Variants in CARMIL1 observed in about 807,000 individuals in gnomAD.
The protein encoded by CARMIL1 is capping protein regulator and myosin 1 linker 1.
In CARMIL1, 90 loss-of-function variants were observed where a neutral mutation model predicts 177.1. The observed-to-expected ratio is 0.51, with a 90% CI of 0.43 to 0.61. The LOEUF (loss-of-function observed/expected upper bound fraction) is 0.61, where lower values mean the gene tolerates loss of function less well. Ranked by LOEUF, CARMIL1 falls within the 20% of genes least tolerant of loss-of-function variation. The pLI, the probability that CARMIL1 is intolerant of heterozygous loss-of-function variation, is 0.00. For missense variants in CARMIL1, 1,380 were observed against 1,667.0 expected (o/e 0.83, Z 3.00); for synonymous variants, 577 against 606.2 (o/e 0.95, Z 0.71).
chr6:25,371,730 G>A (rs976261590), intron 2 of CARMIL1, among the ~76,000 whole-genome samples: 3 of 152,040 alleles, frequency 2.0e-5, no homozygotes, highest in African/African-American at 7.2e-5. Context: ...TACTCTGATG[G>A]TGATTTGCTG....
At chr6:25,563,282 A>G (rs1811292206) in intron 29 of CARMIL1, 1 of 985,388 alleles carries the variant, frequency 1.0e-6, no homozygotes, top group Non-Finnish European at 1.2e-6. Flanking sequence ...CCAAATTATC[A>G]CTGCTTTCCA....
intron 24 of CARMIL1, among the ~76,000 whole-genome samples, chr6:25,530,620 G>T (rs148335542): frequency 9.3e-4 from 141 of 152,216 alleles, no homozygotes; most frequent in African/African-American, 3.2e-3. Context: ...ATTTATTTTG[G>T]ATCAAAAATT....
intron 11 of CARMIL1, chr6:25,472,755 A>T: frequency 2.0e-6 from 1 of 501,382 alleles, no homozygotes. Context: ...ATTATTTTTA[A>T]TATGTTTTAT....
chr6:25,586,951 A>AG (rs1238046154), intron 31 of CARMIL1, among the ~76,000 whole-genome samples: 2,557 of 146,956 alleles, frequency 0.017, 66 homozygotes, highest in African/African-American at 0.054. Flanking sequence ...GTGGAGAGAG[A>AG]GGAAGAGGGA....
chr6:25,469,197 T>C (rs972080825), intron 9 of CARMIL1, among the ~76,000 whole-genome samples: 1 of 152,234 alleles, frequency 6.6e-6, no homozygotes, highest in African/African-American at 2.4e-5. Context: ...AGTGGCATTA[T>C]AGACAGAATG....
chr6:25,311,130 C>T (rs1225596722), intron 2 of CARMIL1, among the ~76,000 whole-genome samples: 1 of 152,060 alleles, frequency 6.6e-6, no homozygotes, highest in African/African-American at 2.4e-5. Flanking sequence ...TGCAGTGAGC[C>T]AAGATCGTGC....
At chr6:25,350,717 A>G (rs995298720) in intron 2 of CARMIL1, 1 of 152,232 alleles carries the variant, frequency 6.6e-6, no homozygotes, top group Non-Finnish European at 1.5e-5. Context: ...GACTTGTAAT[A>G]GAATCTGAGA....
At chr6:25,289,052 A>T (rs2744290) in intron 2 of CARMIL1, among the ~76,000 whole-genome samples, 81,472 of 151,994 alleles carry the variant, frequency 0.54, 21,985 homozygotes, top group African/African-American at 0.57. Flanking sequence ...GCTAAGAAGG[A>T]ACAGGCCAGA....
intron 27 of CARMIL1, among the ~76,000 whole-genome samples, 198 bp from the exon 28 acceptor site, chr6:25,553,811 G>A (rs1810360150): frequency 6.6e-6 from 1 of 152,180 alleles, no homozygotes; most frequent in South Asian, 2.1e-4. Flanking sequence ...GGTAAAGAAA[G>A]TCTATTACTT....
chr6:25,483,083 C>T (rs757953048), intron 12 of CARMIL1, among the ~76,000 whole-genome samples: 9 of 152,136 alleles, frequency 5.9e-5, no homozygotes, highest in Non-Finnish European at 1.2e-4. Context: ...TGAGTGTTCC[C>T]TTTGTATTAC....
At chr6:25,466,018 A>G (rs904118605) in intron 9 of CARMIL1, 70 bp downstream of exon 9, 6 of 1,140,970 alleles carry the variant, frequency 5.3e-6, no homozygotes, top group Non-Finnish European at 6.6e-6. Context: ...AATTGTGGGA[A>G]AAAAACAATT....
At chr6:25,314,054 T>C (rs60084615) in intron 2 of CARMIL1, among the ~76,000 whole-genome samples, 30,596 of 149,986 alleles carry the variant, frequency 0.2, 4,011 homozygotes, top group East Asian at 0.39. Context: ...AAATGTGCTA[T>C]GTTAAAGGAT....
chr6:25,534,480 T>C (rs1808092861), intron 24 of CARMIL1, among the ~76,000 whole-genome samples: 2 of 152,056 alleles, frequency 1.3e-5, no homozygotes, highest in Admixed American at 1.3e-4. Flanking sequence ...TCCCTTCTGT[T>C]TTTCTCAATC....
At chr6:25,287,620 C>T (rs1781619109) in intron 2 of CARMIL1, 1 of 152,394 alleles carries the variant, frequency 6.6e-6, no homozygotes, top group Non-Finnish European at 1.5e-5. Context: ...CTTGTTATAT[C>T]CCCACTACAA....
intron 2 of CARMIL1, among the ~76,000 whole-genome samples, chr6:25,376,758 A>G (rs1332435167): frequency 6.6e-6 from 1 of 152,184 alleles, no homozygotes; most frequent in Non-Finnish European, 1.5e-5. Context: ...GCTTCAGGCC[A>G]GTAGGAGAGA....
intron 29 of CARMIL1, 35 bp from the exon 30 acceptor site, chr6:25,580,889 C>G (rs1220673221): frequency 7.2e-5 from 108 of 1,497,364 alleles, no homozygotes; most frequent in Non-Finnish European, 9.7e-5. Context: ...CTGTGGCTAC[C>G]TAAGTGTTTT....
At chr6:25,433,888 C>T (rs145112319) in intron 4 of CARMIL1, among the ~76,000 whole-genome samples, 158 of 152,208 alleles carry the variant, frequency 1.0e-3, no homozygotes, top group African/African-American at 3.3e-3. Context: ...GAAATACTTA[C>T]ATTATTATTA....
rs563767170 is a variant in CARMIL1 at position 25,429,646 on chromosome 6, C to G, written c.249+3086C>G. 5.3e-5 allele frequency among the ~76,000 whole-genome samples: 8 copies of G among 152,064 alleles called. No homozygotes were observed. In the South Asian group the frequency reaches 1.5e-3, roughly 28 times the overall value. On this transcript the variant is annotated intron_variant, in intron 4 of 36. Coordinates refer to ENST00000329474, the MANE Select transcript of CARMIL1 (RefSeq NM_017640.6). ...TTTATCTGGTTTAAGAAGTTTCTTT[C>G]TATTTTTAGTTTGTTCAGAGTTTTA...
chr6:25,324,834 G>GT (rs2150250705), intron 2 of CARMIL1, among the ~76,000 whole-genome samples: 1 of 152,316 alleles, frequency 6.6e-6, no homozygotes, highest in Non-Finnish European at 1.5e-5. Context: ...GGTGTTCCAG[G>GT]TGAGGGCACA....
Sources: allele counts gnomAD v4.1 joint callset (sites outside exome capture counted in the v4.1 genomes callset), GRCh38; gene constraint gnomAD v4.1.1; transcripts MANE v1.5; gene names NCBI Gene and HGNC (gene_info 2026-07-23, HGNC 2026-07-21).